TRPV1: variants seen among roughly 807,000 people sequenced by gnomAD.
The protein encoded by TRPV1 is transient receptor potential cation channel subfamily V member 1.
In TRPV1, 82 loss-of-function variants were observed where a neutral mutation model predicts 82.3. The observed-to-expected ratio is 1.00, with a 90% CI of 0.83 to 1.20. The LOEUF (loss-of-function observed/expected upper bound fraction) is 1.20. TRPV1 is among the 50% of genes most tolerant of loss of function. The pLI is 0.00. For missense variants in TRPV1, 1,067 were observed against 1,096.8 expected (o/e 0.97, Z 0.38); for synonymous variants, 515 against 467.7 (o/e 1.10, Z -1.30).
chr17:3,608,776 G>A (rs755673965), intron 1 of TRPV1: 8 of 152,148 alleles, frequency 5.3e-5, no homozygotes, highest in African/African-American at 1.7e-4. Flanking sequence ...GATGATCTAC[G>A]AATTCTCCCC....
chr17:3,600,787 G>A (rs1325824729), intron 2 of TRPV1, among the ~76,000 whole-genome samples: 1 of 152,090 alleles, frequency 6.6e-6, no homozygotes, highest in Non-Finnish European at 1.5e-5. Flanking sequence ...CTCCTGCCGG[G>A]ACTCCCTGGC....
chr17:3,597,856 T>G (rs1194804269), intron 2 of TRPV1, among the ~76,000 whole-genome samples: 1 of 152,014 alleles, frequency 6.6e-6, no homozygotes, highest in Non-Finnish European at 1.5e-5. Context: ...GTATTTTTAG[T>G]AGAGTCAGGG....
Position 3,572,075 on chromosome 17 carries a change from A to C in TRPV1, c.2231+47T>G, listed in dbSNP as rs2074861261. On this transcript the variant is annotated intron_variant, in intron 15 of 16. Coordinates refer to ENST00000572705, the MANE Select transcript of TRPV1 (RefSeq NM_080704.4). The stretch of plus-strand genomic sequence containing the variant: ...GAGGCAGGCTCTGTGTCCACAGGTG[A>C]GCCCCAAAGCTCCCAAGCCCTGATT... The C allele has an allele frequency of 1.9e-6, 3 of 1,597,766 alleles. No individual in the cohort carries two copies. The South Asian group carries it at 3.4e-5, about 18-fold the overall frequency.
intron 2 of TRPV1, among the ~76,000 whole-genome samples, chr17:3,599,834 G>A (rs967943795): frequency 2.0e-5 from 3 of 151,904 alleles, no homozygotes; most frequent in African/African-American, 2.4e-5. Flanking sequence ...TTGGCCAGGC[G>A]GGTCTCGATC....
At chr17:3,567,513 G>A (rs962389846) in intron 16 of TRPV1, among the ~76,000 whole-genome samples, 4 of 151,904 alleles carry the variant, frequency 2.6e-5, no homozygotes, top group African/African-American at 4.8e-5. Flanking sequence ...ATGCACTCTC[G>A]CTGTTCCTTA....
At chr17:3,567,112 C>T in intron 16 of TRPV1, 125 bp from the exon 17 acceptor site, 4 of 1,112,136 alleles carry the variant, frequency 3.6e-6, no homozygotes, top group South Asian at 3.3e-5. Flanking sequence ...AATCCCAGCA[C>T]TTTGGGAGGC....
chr17:3,572,758 A>G (rs2074871456), intron 14 of TRPV1, among the ~76,000 whole-genome samples: 1 of 152,206 alleles, frequency 6.6e-6, no homozygotes, highest in African/African-American at 2.4e-5. Flanking sequence ...CAAGGCAGGC[A>G]GATCACCTGA....
chr17:3,576,036 C>G (rs1297395937), intron 13 of TRPV1, among the ~76,000 whole-genome samples: 1 of 149,254 alleles, frequency 6.7e-6, no homozygotes, highest in African/African-American at 2.5e-5. Flanking sequence ...ACCAACATGA[C>G]AAAACCCCGT....
rs1334140000 is a variant in TRPV1, at chr17:3,592,081, G to A, written c.270C>T (p.Gly90=). 7 of 1,611,922 alleles carry A rather than the reference G, an allele frequency of 4.3e-6. No homozygotes were observed. Among genetic ancestry groups the A allele is most frequent in the African/African-American group, 1.3e-5 (1 of 74,918 alleles). Residue 90 remains glycine (G), a synonymous_variant, in exon 3 of 17, where the codon GGC becomes GGT. Coordinates refer to ENST00000572705, the MANE Select transcript of TRPV1 (RefSeq NM_080704.4). ...PVITIQRPGD[G]PTGARLLSQD... is the part of the protein sequence containing the mutation. ...CGCGGACTTACCTGGCACCGGTGGG[G>A]CCGTCTCCTGGCCTCTGGATGGTGA...
chr17:3,572,372 T>C (rs2074866800), intron 14 of TRPV1, 123 bp from the exon 15 acceptor site: 1 of 1,171,308 alleles, frequency 8.5e-7, no homozygotes. Context: ...AGGGTGGTTG[T>C]CCAGTGCCCT....
chr17:3,578,298 A>C (rs2074960784), intron 11 of TRPV1: 1 of 150,382 alleles, frequency 6.6e-6, no homozygotes, highest in African/African-American at 2.4e-5. Context: ...ACAGAGCGAG[A>C]CTCCGTCTCA....
intron 7 of TRPV1, chr17:3,588,804 A>AAC: frequency 9.6e-7 from 1 of 1,036,626 alleles, no homozygotes; most frequent in Non-Finnish European, 1.3e-6. Context: ...ACAAGAGCGA[A>AAC]ACCTCATCTA....
At chr17:3,580,234 G>A (rs983981404) in intron 11 of TRPV1, among the ~76,000 whole-genome samples, 1 of 152,164 alleles carries the variant, frequency 6.6e-6, no homozygotes, top group Non-Finnish European at 1.5e-5. Context: ...CGTCTCACTC[G>A]GACTGTAAGT....
intron 3 of TRPV1, 122 bp downstream of exon 3, chr17:3,591,945 A>ACC (rs1028227013): frequency 2.5e-5 from 35 of 1,373,968 alleles, no homozygotes; most frequent in East Asian, 9.9e-5. Context: ...GGACCAGACC[A>ACC]CCCCTAAGGC....
At chr17:3,588,165 C>T (rs2075107126) in intron 8 of TRPV1, 23 bp downstream of exon 8, 2 of 1,545,704 alleles carry the variant, frequency 1.3e-6, no homozygotes, top group South Asian at 1.2e-5. Context: ...GAGGCCCTCC[C>T]TGGCTGTGCC....
intron 1 of TRPV1, chr17:3,608,855 G>A (rs1382065431): frequency 1.3e-5 from 2 of 152,218 alleles, no homozygotes; most frequent in African/African-American, 4.8e-5. Context: ...CAGCAGAGAG[G>A]TGTGTTTTAT....
chr17:3,586,510 G>A (rs1320657103), intron 8 of TRPV1, among the ~76,000 whole-genome samples: 6 of 152,342 alleles, frequency 3.9e-5, no homozygotes, highest in South Asian at 2.1e-4. Context: ...AGTGGCTCAC[G>A]CCTGTAATCC....
intron 8 of TRPV1, among the ~76,000 whole-genome samples, chr17:3,587,687 G>A (rs998919448): frequency 2.0e-5 from 3 of 151,984 alleles, no homozygotes; most frequent in Admixed American, 2.0e-4. Context: ...GCCTGGTGGC[G>A]CATGCCTGTA....
At chr17:3,592,006 G>A (rs1356175369) in intron 3 of TRPV1, 61 bp downstream of exon 3, 4 of 1,567,142 alleles carry the variant, frequency 2.6e-6, no homozygotes, top group Admixed American at 3.6e-5. Flanking sequence ...AGACCACCCT[G>A]TGGCATCTCC....
Sources: gnomAD v4.1 joint callset for allele counts (sites outside exome capture counted in the v4.1 genomes callset) on GRCh38, gnomAD v4.1.1 for gene constraint, MANE v1.5 for transcripts, NCBI Gene and HGNC (gene_info 2026-07-23, HGNC 2026-07-21) for gene names.